NPHP3: variants seen among roughly 807,000 people sequenced by gnomAD.
NPHP3 encodes nephrocystin-3.
NPHP3 carries 123 observed loss-of-function variants against 171.9 expected under a neutral mutation model. The ratio of observed to expected loss-of-function variants is 0.72; its 90% confidence interval spans 0.62 to 0.83. NPHP3 has a LOEUF of 0.83. Among genes scored for constraint, NPHP3 ranks in the 40% least tolerant of loss-of-function variants. The pLI, the probability that NPHP3 is intolerant of heterozygous loss-of-function variation, is 0.00. For missense variants in NPHP3, 1,506 were observed against 1,591.9 expected (o/e 0.95, Z 0.92); for synonymous variants, 558 against 579.2 (o/e 0.96, Z 0.52).
chr3:132,689,112 AG>A lies in NPHP3; in HGVS notation c.2844del (p.Leu949TrpfsTer8). On this transcript the variant is annotated frameshift_variant, in exon 20 of 27. Transcript: ENST00000337331. LOFTEE classifies it high-confidence loss of function. ...CCTAGATCCTTGAGAAATCGCCCCA[AG>A]GTTTCATAAAGATCAGCTAAGCAAC... Reference protein sequence around the residue: ...NMSCLADLYETLGRFLKDLGL... With the variant: ...NMSCLADLYEXLGRFLKDLGL... The A allele has an allele frequency of 6.2e-7, 1 of 1,614,118 alleles. No individual in the cohort carries two copies. Among genetic ancestry groups the A allele is most frequent in the Non-Finnish European group, 8.5e-7 (1 of 1,180,004 alleles).
intron 23 of NPHP3, 36 bp from the exon 24 acceptor site, chr3:132,684,830 AT>A: frequency 6.2e-7 from 1 of 1,607,320 alleles, no homozygotes; most frequent in Non-Finnish European, 8.5e-7. Context: ...TAAACTATCT[AT>A]TTTCTAGAGT....
chr3:132,719,029 TC>T lies in NPHP3; in HGVS notation c.634del (p.Glu212SerfsTer32). The T allele has an allele frequency of 6.2e-7, 1 of 1,614,098 alleles. No individual in the cohort carries two copies. Among genetic ancestry groups the T allele is most frequent in the East Asian group, 2.2e-5 (1 of 44,878 alleles). ...AQGIQVFDPG[E>X]SDSDDNCTDV... is the part of the protein sequence containing the mutation. The stretch of plus-strand genomic sequence containing the variant: ...TGTACAGTTGTCATCTGAATCAGAC[TC>T]CCCAGGATCAAATACTTGGATACCC... On this transcript the variant is annotated frameshift_variant, in exon 3 of 27. Transcript: ENST00000337331. LOFTEE classifies it high-confidence loss of function.
At chr3:132,713,624 T>C (rs1279483125) in intron 5 of NPHP3, among the ~76,000 whole-genome samples, 1 of 152,110 alleles carries the variant, frequency 6.6e-6, no homozygotes, top group Non-Finnish European at 1.5e-5. Context: ...TTTATTGTCA[T>C]AAAGAGTGCA....
intron 1 of NPHP3, 132 bp downstream of exon 1, chr3:132,721,831 G>A (rs1018494927): frequency 9.1e-6 from 10 of 1,096,152 alleles, no homozygotes; most frequent in African/African-American, 4.7e-5. Context: ...TTTCAGACTC[G>A]AAGAGAATAT....
intron 5 of NPHP3, among the ~76,000 whole-genome samples, chr3:132,713,708 T>C (rs1203213322): frequency 6.6e-6 from 1 of 152,178 alleles, no homozygotes; most frequent in African/African-American, 2.4e-5. Context: ...CAGAGCGATA[T>C]AAGTTAAAAA....
intron 14 of NPHP3, 142 bp from the exon 15 acceptor site, chr3:132,696,955 G>T: frequency 1.3e-6 from 1 of 754,678 alleles, no homozygotes; most frequent in Non-Finnish European, 2.3e-6. Context: ...ACATGCAGTG[G>T]TGGCTCCTCG....
chr3:132,694,378 T>TA (rs766476951), intron 16 of NPHP3, among the ~76,000 whole-genome samples: 1 of 148,824 alleles, frequency 6.7e-6, no homozygotes, highest in Admixed American at 6.6e-5. Flanking sequence ...TGTGTGTGTG[T>TA]TTACACACAC....
chr3:132,686,368 C>G lies in NPHP3; in HGVS notation c.3221G>C (p.Arg1074Pro). 1 of 1,613,932 alleles carries G rather than the reference C, an allele frequency of 6.2e-7. No homozygotes were observed. The highest frequency in any genetic ancestry group is 1.3e-5 in the African/African-American group (1 of 75,012). The stretch of plus-strand genomic sequence containing the variant: ...CTCTTCTAACTGTAAAGCCCGTCTA[C>G]GTAAAAGGGCAAATCCGTACTGCAG... ...KGNLYGFALL[R>P]RRALQLEELT... is the part of the protein sequence containing the mutation. Residue 1074 changes from arginine (R) to proline (P), a missense_variant, in exon 23 of 27, where the codon CGT (arginine) becomes CCT (proline). Around this residue, in one of 3 missense-constraint regions of NPHP3, gnomAD observed 569 missense variants for 648.1 expected, o/e 0.88. Coordinates refer to ENST00000337331, the MANE Select transcript of NPHP3 (RefSeq NM_153240.5).
rs770658106 is a variant in NPHP3 at position 132,701,492 on chromosome 3, C to T, written c.1566G>A (p.Pro522=). The T allele has an allele frequency of 1.4e-5, 23 of 1,613,480 alleles. No homozygotes were observed. Among genetic ancestry groups the T allele is most frequent in the South Asian group, 4.4e-5 (4 of 91,050 alleles). ...RLNDLVAAPA[P]IPPLLVSGGP... The stretch of plus-strand genomic sequence containing the variant: ...CTCCAGACACGAGAAGAGGTGGAAT[C>T]GGGGCTGGTGCTGCCACTAGATCAT... The change falls in exon 10 of 27, where the codon CCG becomes CCA. Residue 522 remains proline (P), a synonymous_variant. Transcript: ENST00000337331.
Position 132,687,218 on chromosome 3 carries a change from T to G in NPHP3, c.3134A>C (p.Gln1045Pro). ...TLYQKQNKYE[Q>P]AEHFRKKSFK... ...GGATTTTTTCCTAAAATGTTCAGCT[T>G]GTTCATATCTTAAAAAAAAATTACA... Residue 1045 changes from glutamine to proline, a missense_variant, in exon 22 of 27, where the codon CAA (glutamine) becomes CCA (proline). Gln to Pro is a moderately conservative substitution (Grantham distance 76, BLOSUM62 -1). This residue lies in a region of NPHP3 where 569 missense variants were observed against 648.1 expected (regional missense o/e 0.88). Coordinates refer to ENST00000337331, the MANE Select transcript of NPHP3 (RefSeq NM_153240.5). The G allele has an allele frequency of 7.4e-7, 1 of 1,349,242 alleles. No individual in the cohort carries two copies. The allele number at this position is 1,349,242 out of a possible 1,614,324, so 83.6% of individuals were successfully genotyped here.
chr3:132,710,736 T>C (rs1337320690), intron 6 of NPHP3, among the ~76,000 whole-genome samples: 3 of 152,168 alleles, frequency 2.0e-5, no homozygotes, highest in Non-Finnish European at 2.9e-5. Context: ...TCTCCTTCCA[T>C]GAAGTGAGGC....
At position 132,715,062 on chromosome 3, in the gene NPHP3, A is replaced by G. The variant is rs374834087; in HGVS notation, c.957+23T>C. ...TAACTTATATTTTAAATTGGTTGAT[A>G]CAGAATTTATAAATATCCTCACCTT... is the stretch of plus-strand genomic sequence containing the variant. On this transcript the variant is annotated intron_variant, in intron 5 of 26. Transcript: ENST00000337331. 1.4e-4 allele frequency: 219 copies of G among 1,595,228 alleles called. No individual in the cohort carries two copies. In the African/African-American group the frequency reaches 2.7e-3, roughly 20 times the overall value.
chr3:132,715,013 A>C lies in NPHP3; in HGVS notation c.957+72T>G. On this transcript the variant is annotated intron_variant, in intron 5 of 26. Coordinates refer to ENST00000337331, the MANE Select transcript of NPHP3 (RefSeq NM_153240.5). ...GGAAACTATTTGGTTGAGATACAGTAGTATCAGAAACAGAATATAATATTA... is the reference window on the plus strand; with the variant it reads ...GGAAACTATTTGGTTGAGATACAGTCGTATCAGAAACAGAATATAATATTA... 1.1e-5 allele frequency: 14 copies of C among 1,230,162 alleles called. No individual in the cohort carries two copies. The South Asian group carries it at 1.8e-4, about 16-fold the overall frequency. 76.2% of individuals were successfully genotyped at this position (1,230,162 alleles called of 1,614,324 possible). A position where few individuals can be genotyped will look rare whatever the true frequency, so the allele number is the denominator to read the frequency against.
chr3:132,690,745 A>G, intron 18 of NPHP3, 95 bp from the exon 19 acceptor site: 2 of 1,237,632 alleles, frequency 1.6e-6, no homozygotes, highest in South Asian at 1.3e-5. Context: ...AAAATATTTA[A>G]CATATATCTC....
chr3:132,718,981 GA>G lies in NPHP3; in HGVS notation c.670+12del. On this transcript the variant is annotated intron_variant, in intron 3 of 26. Transcript: ENST00000337331. ...TGTTGAAAGCTCAAAATATAAATAGGATATACACTTACCAGTGACATCTGTA... is the reference window on the plus strand; with the variant it reads ...TGTTGAAAGCTCAAAATATAAATAGGTATACACTTACCAGTGACATCTGTA... 1 of 1,613,592 alleles carries G rather than the reference GA, an allele frequency of 6.2e-7. No homozygotes were observed. Among genetic ancestry groups the G allele is most frequent in the Non-Finnish European group, 8.5e-7 (1 of 1,179,622 alleles).
At position 132,708,204 on chromosome 3, in the gene NPHP3, G is replaced by A; in HGVS notation, c.1172C>T (p.Pro391Leu). ...TTCCAAACGATGAAAGATTAATCGA[G>A]GTTTTCCTTCAGGGTTTTTCAGAAA... ...EAFLKNPEGK[P>L]RLIFHRLEDG... Residue 391 changes from proline (P) to leucine (L), a missense_variant, in exon 7 of 27, where the codon CCT (proline) becomes CTT (leucine). By Grantham distance (98) the Pro-to-Leu change is moderately conservative. Around this residue, in one of 3 missense-constraint regions of NPHP3, gnomAD observed 930 missense variants for 924.9 expected, o/e 1.01. Transcript: ENST00000337331. 1 of 1,614,046 alleles carries A rather than the reference G, an allele frequency of 6.2e-7. No homozygotes were observed. The highest frequency in any genetic ancestry group is 8.5e-7 in the Non-Finnish European group (1 of 1,179,908).
chr3:132,704,398 A>C (rs773434731), intron 8 of NPHP3, 27 bp from the exon 9 acceptor site: 1 of 1,613,780 alleles, frequency 6.2e-7, no homozygotes, highest in Non-Finnish European at 8.5e-7. Flanking sequence ...ACCACACAAA[A>C]ATGAATGAAG....
At chr3:132,704,673 A>G (rs890510068) in intron 8 of NPHP3, among the ~76,000 whole-genome samples, 1 of 152,248 alleles carries the variant, frequency 6.6e-6, no homozygotes, top group Non-Finnish European at 1.5e-5. Flanking sequence ...TTTTGGTTGT[A>G]TCTGGCTGGT....
At chr3:132,711,601 T>C (rs1383862867) in intron 6 of NPHP3, among the ~76,000 whole-genome samples, 1 of 152,058 alleles carries the variant, frequency 6.6e-6, no homozygotes, top group African/African-American at 2.4e-5. Context: ...TCATACTCTG[T>C]CACCCAGAAA....
Sources: allele counts gnomAD v4.1 joint callset (sites outside exome capture counted in the v4.1 genomes callset), GRCh38; gene constraint gnomAD v4.1.1; regional missense constraint gnomAD v4.1.1; transcripts MANE v1.5; gene names NCBI Gene and HGNC (gene_info 2026-07-23, HGNC 2026-07-21).